Variants in MIPOL1 observed in about 807,000 individuals in gnomAD.
The protein encoded by MIPOL1 is mirror-image polydactyly gene 1 protein.
A neutral mutation model predicts 60.9 loss-of-function variants in MIPOL1; 57 were observed. That is an observed-to-expected ratio of 0.94 (90% confidence interval 0.76 to 1.17). The LOEUF is 1.17. Among genes scored for constraint, MIPOL1 ranks in the 50% most tolerant of loss-of-function variants. The pLI is 0.00. For missense variants in MIPOL1, 551 were observed against 511.6 expected, an observed-to-expected ratio of 1.08 and a Z score of -0.74; for synonymous variants, 179 against 168.8, an observed-to-expected ratio of 1.06 and a Z score of -0.47.
chr14:37,271,464 G>A (rs2083297402), intron 6 of MIPOL1, among the ~76,000 whole-genome samples: 1 of 151,806 alleles, frequency 6.6e-6, no homozygotes, highest in Non-Finnish European at 1.5e-5. Context: ...AACTAGGAGA[G>A]CTTGCTTTAA....
At chr14:37,215,253 C>T (rs1967433881) in intron 1 of MIPOL1, among the ~76,000 whole-genome samples, 1 of 152,028 alleles carries the variant, frequency 6.6e-6, no homozygotes, top group South Asian at 2.1e-4. Context: ...TACCCTGCCC[C>T]CTTGTCTTGT....
At chr14:37,545,714 C>T in intron 12 of MIPOL1, 1 of 644,700 alleles carries the variant, frequency 1.6e-6, no homozygotes, top group South Asian at 1.7e-5. Context: ...TAGTTTTCAG[C>T]ATTATATGCA....
chr14:37,228,512 GAACA>G (rs1398036911), intron 1 of MIPOL1, among the ~76,000 whole-genome samples: 5 of 151,906 alleles, frequency 3.3e-5, no homozygotes, highest in African/African-American at 7.3e-5. Context: ...CTCGTAAATA[GAACA>G]AACAGTTTAT....
At position 37,319,808 on chromosome 14, in the gene MIPOL1, C is replaced by T. The variant is rs76423089; in HGVS notation, c.828+11289C>T. 4.8e-3 allele frequency among the ~76,000 whole-genome samples: 724 copies of T among 152,180 alleles called. 4 individuals are homozygous for T. Among genetic ancestry groups the T allele is most frequent in the African/African-American group, 0.015 (640 of 41,528 alleles). On this transcript the variant is annotated intron_variant, in intron 9 of 12. Transcript: ENST00000684589. ...AGGCTCTTTCTTGTCTCTTCCCAGT[C>T]GGAATTTCTCACCAAAGATAATCAC... is the stretch of plus-strand genomic sequence containing the variant.
intron 10 of MIPOL1, among the ~76,000 whole-genome samples, chr14:37,415,495 G>A (rs111523201): frequency 6.6e-6 from 1 of 151,946 alleles, no homozygotes; most frequent in East Asian, 1.9e-4. Context: ...CAGGCGTGGT[G>A]GCGGGCGCCT....
chr14:37,338,362 G>T (rs2090335360), intron 9 of MIPOL1, among the ~76,000 whole-genome samples: 1 of 150,686 alleles, frequency 6.6e-6, no homozygotes, highest in African/African-American at 2.4e-5. Context: ...CGCTCGCCTT[G>T]GCCTCCCAAA....
chr14:37,339,834 T>G (rs968645671), intron 9 of MIPOL1, among the ~76,000 whole-genome samples: 3 of 152,122 alleles, frequency 2.0e-5, no homozygotes, highest in African/African-American at 7.2e-5. Context: ...CTGTGGAGAT[T>G]GGTGCAGACT....
chr14:37,457,821 C>A lies in MIPOL1; in HGVS notation c.1031+34872C>A, dbSNP rs112059585. Among the ~76,000 whole-genome samples the A allele has an allele frequency of 2.2e-3, 338 of 152,274 alleles. 1 individual carries two copies. Among genetic ancestry groups the A allele is most frequent in the African/African-American group, 7.6e-3 (316 of 41,554 alleles). ...CTGAGGAAACATATAACTAAATCAC[C>A]TGTAGTATCACACCACAAATTATTT... On this transcript the variant is annotated intron_variant, in intron 11 of 12. Coordinates refer to ENST00000684589, the MANE Select transcript of MIPOL1 (RefSeq NM_001388067.1).
At chr14:37,476,480 A>T (rs2094775975) in intron 11 of MIPOL1, among the ~76,000 whole-genome samples, 2 of 152,192 alleles carry the variant, frequency 1.3e-5, no homozygotes, top group Non-Finnish European at 2.9e-5. Context: ...GTTGAATAGA[A>T]GTAGTGAGAG....
intron 7 of MIPOL1, among the ~76,000 whole-genome samples, chr14:37,294,547 T>C (rs1360596190): frequency 1.3e-5 from 2 of 151,650 alleles, no homozygotes; most frequent in East Asian, 3.9e-4. Context: ...GGCAAAGAAG[T>C]TAAAAACTTT....
intron 11 of MIPOL1, among the ~76,000 whole-genome samples, chr14:37,452,175 T>G (rs934687340): frequency 6.6e-6 from 1 of 152,148 alleles, no homozygotes; most frequent in Non-Finnish European, 1.5e-5. Context: ...GAAAGAGATA[T>G]GGCTACTAAA....
rs2095555909 is a variant in MIPOL1 at position 37,549,306 on chromosome 14, T to C, written c.*2335T>C. ...ATTTACAGGAAAGGCAAAATGCTAA[T>C]ACTAACATTTGTAGCACTTGATGAT... is the stretch of plus-strand genomic sequence containing the variant. On this transcript the variant is annotated 3_prime_UTR_variant, in exon 13 of 13. Coordinates refer to ENST00000684589, the MANE Select transcript of MIPOL1 (RefSeq NM_001388067.1). 6.6e-6 allele frequency: 1 copy of C among 151,942 alleles called. No homozygotes were observed. Among genetic ancestry groups the C allele is most frequent in the Admixed American group, 6.6e-5 (1 of 15,256 alleles). 9.4% of individuals were successfully genotyped at this position (151,942 alleles called of 1,614,324 possible). A position where few individuals can be genotyped will look rare whatever the true frequency, so the allele number is the denominator to read the frequency against.
chr14:37,467,446 C>T (rs1433341844), intron 11 of MIPOL1, among the ~76,000 whole-genome samples: 1 of 152,174 alleles, frequency 6.6e-6, no homozygotes, highest in African/African-American at 2.4e-5. Flanking sequence ...TTTTTTATAA[C>T]TCCCTGTCTA....
At chr14:37,228,774 A>C (rs1450977458) in intron 1 of MIPOL1, among the ~76,000 whole-genome samples, 1 of 152,202 alleles carries the variant, frequency 6.6e-6, no homozygotes, top group South Asian at 2.1e-4. Context: ...TAGTGTTGCA[A>C]GGCACCCAAA....
At chr14:37,341,170 G>A (rs34458921) in intron 9 of MIPOL1, among the ~76,000 whole-genome samples, 1,833 of 151,172 alleles carry the variant, frequency 0.012, 16 homozygotes, top group Non-Finnish European at 0.015. Context: ...TTCCTGTATC[G>A]TGAGTATTAA....
chr14:37,426,889 G>A (rs939339114), intron 11 of MIPOL1, among the ~76,000 whole-genome samples: 13 of 151,878 alleles, frequency 8.6e-5, no homozygotes, highest in East Asian at 3.9e-4. Context: ...AAATTTAAGG[G>A]AAGTTGCATC....
intron 10 of MIPOL1, among the ~76,000 whole-genome samples, chr14:37,419,739 A>AT (rs1047919916): frequency 2.7e-4 from 40 of 145,682 alleles, no homozygotes; most frequent in Non-Finnish European, 3.7e-4. Flanking sequence ...GGGGTAGGGG[A>AT]TTTTTTTTTT....
At chr14:37,458,835 G>A in intron 11 of MIPOL1, among the ~76,000 whole-genome samples, 1 of 145,322 alleles carries the variant, frequency 6.9e-6, no homozygotes, top group Non-Finnish European at 1.5e-5. Flanking sequence ...CTGGGCAACA[G>A]AGAGAGACTG....
intron 10 of MIPOL1, among the ~76,000 whole-genome samples, chr14:37,370,767 G>T (rs1283478649): frequency 6.6e-6 from 1 of 152,062 alleles, no homozygotes; most frequent in Non-Finnish European, 1.5e-5. Flanking sequence ...CAATACATGA[G>T]AAAGGAACAA....
Sources: allele counts gnomAD v4.1 joint callset (sites outside exome capture counted in the v4.1 genomes callset), GRCh38; gene constraint gnomAD v4.1.1; transcripts MANE v1.5; gene names NCBI Gene and HGNC (gene_info 2026-07-23, HGNC 2026-07-21).